Variants in DLC1 observed in about 807,000 individuals in gnomAD.
DLC1 encodes DLC1 Rho GTPase activating protein, also known as rho GTPase-activating protein 7.
DLC1 carries 54 observed loss-of-function variants against 140.3 expected under a neutral mutation model. The observed-to-expected ratio is 0.38, with a 90% CI of 0.31 to 0.48. DLC1 has a LOEUF of 0.48. Among genes scored for constraint, DLC1 ranks in the 20% least tolerant of loss-of-function variants. The probability of loss-of-function intolerance (pLI) is 0.96; values close to 1 mark genes in which losing one functional copy is unlikely to be tolerated. For missense variants in DLC1, 2,536 were observed against 1,907.0 expected, an observed-to-expected ratio of 1.33 and a Z score of -6.14; for synonymous variants, 986 against 728.1, an observed-to-expected ratio of 1.35 and a Z score of -5.70.
At chr8:13,512,966 CTTTTTTT>C (rs57239531) in intron 1 of DLC1, among the ~76,000 whole-genome samples, 1 of 139,968 alleles carries the variant, frequency 7.1e-6, no homozygotes, top group African/African-American at 2.7e-5. Flanking sequence ...ACAGTTTTAC[CTTTTTTT>C]TTTTTTTTTT....
At chr8:13,480,810 A>C (rs1025932983) in intron 2 of DLC1, among the ~76,000 whole-genome samples, 1 of 152,174 alleles carries the variant, frequency 6.6e-6, no homozygotes, top group South Asian at 2.1e-4. Flanking sequence ...AGGCTGAGGC[A>C]GGAGAATCGC....
At chr8:13,339,233 A>C (rs934672900) in intron 4 of DLC1, among the ~76,000 whole-genome samples, 1 of 152,216 alleles carries the variant, frequency 6.6e-6, no homozygotes, top group Non-Finnish European at 1.5e-5. Flanking sequence ...AAAAACAACT[A>C]TGCAAGTGAT....
At chr8:13,086,070 A>G in intron 17 of DLC1, 139 bp from the exon 18 acceptor site, 4 of 1,416,658 alleles carry the variant, frequency 2.8e-6, no homozygotes, top group Non-Finnish European at 3.7e-6. Flanking sequence ...CCGAGCTACC[A>G]TATTTGCTTT....
intron 1 of DLC1, among the ~76,000 whole-genome samples, chr8:13,603,403 T>A (rs1805952875): frequency 6.6e-6 from 1 of 151,716 alleles, no homozygotes; most frequent in Non-Finnish European, 1.5e-5. Context: ...TACTTTAATT[T>A]TTTTTTAGAA....
intron 5 of DLC1, among the ~76,000 whole-genome samples, chr8:13,279,411 G>A (rs906132946): frequency 6.6e-6 from 1 of 152,170 alleles, no homozygotes; most frequent in African/African-American, 2.4e-5. Flanking sequence ...GTTGCATTAG[G>A]TAGAATGACC....
At chr8:13,283,386 C>T (rs140790113) in intron 5 of DLC1, among the ~76,000 whole-genome samples, 5 of 152,124 alleles carry the variant, frequency 3.3e-5, no homozygotes, top group African/African-American at 7.2e-5. Context: ...GTACTGTAAT[C>T]TCTGAGAGAA....
chr8:13,425,567 G>T (rs1162737801), intron 2 of DLC1, among the ~76,000 whole-genome samples: 1 of 152,128 alleles, frequency 6.6e-6, no homozygotes, highest in African/African-American at 2.4e-5. Flanking sequence ...TTGGCAGAAG[G>T]GGAGAGGGAT....
intron 5 of DLC1, among the ~76,000 whole-genome samples, chr8:13,183,359 A>G (rs897976159): frequency 6.6e-6 from 1 of 152,204 alleles, no homozygotes; most frequent in African/African-American, 2.4e-5. Flanking sequence ...TAGGTTGAAT[A>G]GGAGTGGTGA....
intron 5 of DLC1, chr8:13,133,376 C>A (rs1448489608): frequency 1.0e-6 from 1 of 990,374 alleles, no homozygotes; most frequent in African/African-American, 1.8e-5. Flanking sequence ...CGCCTCCTCC[C>A]CGCTGTCTGG....
chr8:13,279,955 G>A (rs1465578369), intron 5 of DLC1, among the ~76,000 whole-genome samples: 2 of 151,984 alleles, frequency 1.3e-5, no homozygotes, highest in Non-Finnish European at 2.9e-5. Context: ...GAGTTCATTG[G>A]TTTTTCAAGA....
intron 8 of DLC1, chr8:13,101,016 A>C: frequency 4.9e-6 from 2 of 408,938 alleles, no homozygotes; most frequent in Non-Finnish European, 8.4e-6. Flanking sequence ...GAGCCTCCCA[A>C]AGTGCTGCGG....
At position 13,500,014 on chromosome 8, in the gene DLC1, G is replaced by C. The variant is rs1563401884; in HGVS notation, c.58C>G (p.Gln20Glu). Residue 20 changes from glutamine (Q) to glutamate (E), a missense_variant, in exon 2 of 18, where the codon CAG becomes GAG. Transcript: ENST00000276297. Reference protein sequence around the residue: ...WEEHVTHWMGQPFNSDDRNTA... With the variant: ...WEEHVTHWMGEPFNSDDRNTA... ...TTACGATCATCAGAATTAAAAGGCT[G>C]TCCCATCCAGTGGGTCACATGTTCT... The C allele has an allele frequency of 6.2e-7, 1 of 1,614,072 alleles. No homozygotes were observed. The highest frequency in any genetic ancestry group is 8.5e-7 in the Non-Finnish European group (1 of 1,179,972).
At position 13,397,078 on chromosome 8, in the gene DLC1, T is replaced by C. The variant is rs150474755; in HGVS notation, c.1174-3385A>G. ...AGAGCTCTCTGTGGGGTTTTTATCA[T>C]GGCAGGGACTCCAGTGTGATGTGTG... On this transcript the variant is annotated intron_variant, in intron 3 of 17. Coordinates refer to ENST00000276297, the MANE Select transcript of DLC1 (RefSeq NM_182643.3). 6.6e-3 allele frequency among the ~76,000 whole-genome samples: 1,008 copies of C among 152,260 alleles called. 5 individuals are homozygous for C. Among genetic ancestry groups the C allele is most frequent in the South Asian group, 0.014 (67 of 4,816 alleles).
At chr8:13,569,402 A>G (rs1346282619) in intron 1 of DLC1, among the ~76,000 whole-genome samples, 1 of 152,192 alleles carries the variant, frequency 6.6e-6, no homozygotes, top group East Asian at 1.9e-4. Context: ...TCCCCTTAGT[A>G]AGTCATTCTA....
At chr8:13,281,515 T>G (rs890563627) in intron 5 of DLC1, among the ~76,000 whole-genome samples, 1 of 152,186 alleles carries the variant, frequency 6.6e-6, no homozygotes, top group South Asian at 2.1e-4. Flanking sequence ...TTTTGTATAA[T>G]GTACAAAGCA....
At chr8:13,170,874 G>T (rs1004237328) in intron 5 of DLC1, among the ~76,000 whole-genome samples, 1 of 152,198 alleles carries the variant, frequency 6.6e-6, no homozygotes, top group East Asian at 1.9e-4. Flanking sequence ...TCTCAGTCGT[G>T]GGCTTTTAAC....
chr8:13,133,064 C>T, intron 5 of DLC1: 1 of 1,555,166 alleles, frequency 6.4e-7, no homozygotes, highest in Non-Finnish European at 8.7e-7. Context: ...GGACCCACGG[C>T]GGCACCCGAG....
intron 1 of DLC1, among the ~76,000 whole-genome samples, chr8:13,535,730 C>A (rs1321139772): frequency 3.5e-5 from 5 of 144,678 alleles, no homozygotes; most frequent in Non-Finnish European, 7.5e-5. Context: ...CACAGTGATT[C>A]AAAAATCAGA....
intron 4 of DLC1, among the ~76,000 whole-genome samples, chr8:13,325,866 CTT>C (rs1396820764): frequency 3.3e-5 from 5 of 152,046 alleles, no homozygotes; most frequent in Non-Finnish European, 5.9e-5. Flanking sequence ...GTAATAAAGA[CTT>C]AGTACAGTCA....
Sources: allele counts gnomAD v4.1 joint callset (sites outside exome capture counted in the v4.1 genomes callset), GRCh38; gene constraint gnomAD v4.1.1; transcripts MANE v1.5; gene names NCBI Gene and HGNC (gene_info 2026-07-23, HGNC 2026-07-21).